ERI1: variants seen among roughly 807,000 people sequenced by gnomAD.
The protein encoded by ERI1 is exoribonuclease 1.
ERI1 carries 39 observed loss-of-function variants against 39.7 expected under a neutral mutation model. The observed-to-expected ratio is 0.98, with a 90% CI of 0.76 to 1.28. The LOEUF is 1.28. Ranked by LOEUF, ERI1 falls within the 50% of genes most tolerant of loss-of-function variation. ERI1 has a pLI of 0.00. For synonymous variants in ERI1, 204 were observed against 149.6 expected, an observed-to-expected ratio of 1.36 and a Z score of -2.65; for missense variants, 581 against 416.9, an observed-to-expected ratio of 1.39 and a Z score of -3.43.
chr8:9,016,786 A>G (rs1414356092), intron 4 of ERI1, among the ~76,000 whole-genome samples: 3 of 152,108 alleles, frequency 2.0e-5, no homozygotes, highest in East Asian at 1.9e-4. Context: ...CCTGGGCTCA[A>G]GCGATTCTCC....
At position 9,030,695 on chromosome 8, in the gene ERI1, G is replaced by C. The variant is rs566569343; in HGVS notation, c.*661G>C. ...AAGTACTAAAAGGAATATCATAAGG[G>C]CTGTAGCTCAAACTTCATAATACAT... On this transcript the variant is annotated 3_prime_UTR_variant, in exon 7 of 7. Coordinates refer to ENST00000250263, the MANE Select transcript of ERI1 (RefSeq NM_153332.4). 2.6e-5 allele frequency: 4 copies of C among 152,328 alleles called. No homozygotes were observed. The South Asian group carries it at 8.3e-4, about 32-fold the overall frequency. The allele number at this position is 152,328 out of a possible 1,614,324, so 9.4% of individuals were successfully genotyped here.
chr8:9,020,552 G>A (rs1585213371), intron 6 of ERI1, 88 bp downstream of exon 6: 1 of 787,612 alleles, frequency 1.3e-6, no homozygotes, highest in Non-Finnish European at 1.9e-6. Flanking sequence ...TTTTCCAGGT[G>A]TTTTTCATGG....
At chr8:9,019,489 C>A (rs1344820082) in intron 5 of ERI1, among the ~76,000 whole-genome samples, 1 of 152,160 alleles carries the variant, frequency 6.6e-6, no homozygotes. Flanking sequence ...ATACGCAGTT[C>A]TGGTAAAGTC....
intron 6 of ERI1, among the ~76,000 whole-genome samples, chr8:9,027,876 A>T (rs1352670692): frequency 6.6e-6 from 1 of 152,150 alleles, no homozygotes; most frequent in East Asian, 1.9e-4. Flanking sequence ...TTGTGTTAAC[A>T]TTATTTTTTA....
chr8:9,027,153 G>GTGTA (rs1488636197), intron 6 of ERI1, among the ~76,000 whole-genome samples: 11 of 140,836 alleles, frequency 7.8e-5, no homozygotes, highest in African/African-American at 2.7e-4. Flanking sequence ...GTGTGTATGT[G>GTGTA]TGTGTGTGTG....
intron 3 of ERI1, among the ~76,000 whole-genome samples, chr8:9,066,541 C>T (rs1006848398): frequency 8.6e-5 from 13 of 151,994 alleles, no homozygotes; most frequent in East Asian, 1.9e-4. Flanking sequence ...TTGTTGGGCA[C>T]GGTGAAGGAG....
chr8:9,030,280 G>A lies in ERI1; in HGVS notation c.*246G>A. On this transcript the variant is annotated 3_prime_UTR_variant, in exon 7 of 7. Coordinates refer to ENST00000250263, the MANE Select transcript of ERI1 (RefSeq NM_153332.4). ...ATAGTAACAGTTCCTGCTTACAACT[G>A]AATTTTATAATTTAAGGTGTTCAAG... 2.1e-6 allele frequency: 1 copy of A among 482,746 alleles called. No homozygotes were observed. The highest frequency in any genetic ancestry group is 3.7e-6 in the Non-Finnish European group (1 of 272,172). The allele number at this position is 482,746 out of a possible 1,614,324, so 29.9% of individuals were successfully genotyped here. A position where few individuals can be genotyped will look rare whatever the true frequency, so the allele number is the denominator to read the frequency against.
In ERI1 at chr8:9,010,366, A is replaced by G. The variant is rs187123147; in HGVS notation, c.288-1176A>G. ...GTAATCCAAAGCTGTCACATGACACAGAGGTCACTCACAGTGCCTTAATAT... is the reference window on the plus strand; with the variant it reads ...GTAATCCAAAGCTGTCACATGACACGGAGGTCACTCACAGTGCCTTAATAT... On this transcript the variant is annotated intron_variant, in intron 2 of 6. Transcript: ENST00000250263. Among the ~76,000 whole-genome samples the G allele has an allele frequency of 4.6e-5, 7 of 152,356 alleles. No individual in the cohort carries two copies. In the East Asian group the frequency reaches 1.4e-3, roughly 29 times the overall value.
chr8:9,065,555 C>G (rs184600843), intron 3 of ERI1, among the ~76,000 whole-genome samples: 1 of 151,710 alleles, frequency 6.6e-6, no homozygotes, highest in Admixed American at 6.6e-5. Context: ...ATTAGCCAGG[C>G]GTAGTGGGGG....
intron 3 of ERI1, among the ~76,000 whole-genome samples, chr8:9,085,471 G>A (rs1404548778): frequency 6.6e-6 from 1 of 152,022 alleles, no homozygotes; most frequent in African/African-American, 2.4e-5. Flanking sequence ...GCCTCCCAAA[G>A]TGCTGGGATT....
At chr8:9,027,960 T>A (rs377363552) in intron 6 of ERI1, among the ~76,000 whole-genome samples, 2 of 152,228 alleles carry the variant, frequency 1.3e-5, no homozygotes, top group East Asian at 1.9e-4. Context: ...AATATGCTGC[T>A]GATTTAAATT....
intron 3 of ERI1, among the ~76,000 whole-genome samples, chr8:9,056,238 A>G (rs1798502225): frequency 6.6e-6 from 1 of 152,260 alleles, no homozygotes; most frequent in South Asian, 2.1e-4. Context: ...ATTTGGGATC[A>G]GCTGGATGGG....
At chr8:9,028,670 C>A (rs895860247) in intron 6 of ERI1, among the ~76,000 whole-genome samples, 1 of 152,112 alleles carries the variant, frequency 6.6e-6, no homozygotes, top group African/African-American at 2.4e-5. Flanking sequence ...GACGCCCAGG[C>A]TGGAGTGCAG....
At chr8:9,045,709 C>G (rs951204562) in intron 3 of ERI1, among the ~76,000 whole-genome samples, 3 of 147,070 alleles carry the variant, frequency 2.0e-5, no homozygotes, top group Non-Finnish European at 4.5e-5. Flanking sequence ...TGGAGTCTCA[C>G]TCTGTCACCC....
At chr8:9,074,738 A>G (rs1267827576) in intron 3 of ERI1, among the ~76,000 whole-genome samples, 1 of 152,214 alleles carries the variant, frequency 6.6e-6, no homozygotes, top group African/African-American at 2.4e-5. Context: ...CCCAGCCAGT[A>G]CTTTATATTT....
intron 3 of ERI1, among the ~76,000 whole-genome samples, chr8:9,098,153 G>A (rs1362626480): frequency 6.6e-6 from 1 of 152,218 alleles, no homozygotes; most frequent in Non-Finnish European, 1.5e-5. Flanking sequence ...GGAGGCTGGG[G>A]TGGGCTGATC....
At chr8:9,072,839 G>A (rs1297108495) in intron 3 of ERI1, among the ~76,000 whole-genome samples, 3 of 151,784 alleles carry the variant, frequency 2.0e-5, no homozygotes, top group South Asian at 2.1e-4. Context: ...GGTCAGCACC[G>A]AGTGTGCTCG....
At chr8:9,062,733 C>T (rs947521002) in intron 3 of ERI1, 68 of 151,502 alleles carry the variant, frequency 4.5e-4, no homozygotes, top group African/African-American at 1.4e-3. Context: ...GGGAAGGAGT[C>T]AGTCAGAGAG....
At chr8:9,081,699 TG>T (rs1363752822) in intron 3 of ERI1, among the ~76,000 whole-genome samples, 1 of 114,338 alleles carries the variant, frequency 8.7e-6, no homozygotes, top group Admixed American at 8.4e-5. Context: ...TGTTTTTTTT[TG>T]GTTTTTGTTT....
Sources: gnomAD v4.1 joint callset for allele counts (sites outside exome capture counted in the v4.1 genomes callset) on GRCh38, gnomAD v4.1.1 for gene constraint, MANE v1.5 for transcripts, NCBI Gene and HGNC (gene_info 2026-07-23, HGNC 2026-07-21) for gene names.